The following AQP11 variants were observed in gnomAD, a reference collection of about 807,000 sequenced individuals.
AQP11 encodes aquaporin-11.
Under a neutral mutation model 21.1 loss-of-function variants are expected in AQP11, and 20 were observed. The observed-to-expected ratio is 0.95, with a 90% CI of 0.67 to 1.38. The LOEUF (loss-of-function observed/expected upper bound fraction) is 1.38. Among genes scored for constraint, AQP11 ranks in the 40% most tolerant of loss-of-function variants. The pLI is 0.00. For synonymous variants in AQP11, 167 were observed against 150.1 expected (o/e 1.11, Z -0.82); for missense variants, 339 against 340.4 (o/e 1.00, Z 0.03).
At chr11:77,599,735 C>T (rs1958804531) in intron 1 of AQP11, among the ~76,000 whole-genome samples, 1 of 151,860 alleles carries the variant, frequency 6.6e-6, no homozygotes, top group Admixed American at 6.6e-5. Context: ...CAAGTACATG[C>T]CACCATACCC....
intron 1 of AQP11, among the ~76,000 whole-genome samples, chr11:77,601,585 A>G (rs563285544): frequency 6.6e-6 from 1 of 152,238 alleles, no homozygotes; most frequent in East Asian, 1.9e-4. Context: ...CCTGGGCTCA[A>G]GTGATCCACC....
In AQP11 at chr11:77,590,448, C is replaced by T; in HGVS notation, c.456C>T (p.Ser152=). 6.2e-7 allele frequency: 1 copy of T among 1,614,120 alleles called. No individual in the cohort carries two copies. Among genetic ancestry groups the T allele is most frequent in the South Asian group, 1.1e-5 (1 of 91,074 alleles). Residue 152 remains serine, a synonymous_variant, in exon 1 of 3, where the codon AGC becomes AGT. Transcript: ENST00000313578. ...GLTQYHVSER[S]FACKNPIRVD... ...CCCAGTATCACGTCAGCGAGAGGAG[C>T]TTCGCTTGCAAGAATCCCATCCGAG...
At chr11:77,599,179 C>A (rs1415798919) in intron 1 of AQP11, among the ~76,000 whole-genome samples, 1 of 151,864 alleles carries the variant, frequency 6.6e-6, no homozygotes, top group African/African-American at 2.4e-5. Context: ...CCATGCCTGG[C>A]CACACCTGGC....
chr11:77,596,427 C>T (rs140295342), intron 1 of AQP11, among the ~76,000 whole-genome samples: 4,307 of 130,366 alleles, frequency 0.033, 212 homozygotes, highest in African/African-American at 0.11. Context: ...GGCAACAGAG[C>T]GAGACTATGT....
chr11:77,610,259 A>G lies in AQP11; in HGVS notation c.*882A>G, dbSNP rs1180300320. 1 of 152,248 alleles carries G rather than the reference A, an allele frequency of 6.6e-6. No homozygotes were observed. Among genetic ancestry groups the G allele is most frequent in the African/African-American group, 2.4e-5 (1 of 41,464 alleles). 9.4% of individuals were successfully genotyped at this position (152,248 alleles called of 1,614,324 possible). ...CACGATTATGACTAAAGGGAAATCA[A>G]GGGTTCATAGAAACATTAAATACTT... On this transcript the variant is annotated 3_prime_UTR_variant, in exon 3 of 3. Transcript: ENST00000313578.
chr11:77,600,359 C>A (rs921382480), intron 1 of AQP11, among the ~76,000 whole-genome samples: 6 of 152,102 alleles, frequency 3.9e-5, no homozygotes, highest in African/African-American at 1.4e-4. Flanking sequence ...AGGCTTTATT[C>A]CTGATAGCCA....
chr11:77,598,739 G>A (rs907373292), intron 1 of AQP11, among the ~76,000 whole-genome samples: 11 of 152,096 alleles, frequency 7.2e-5, no homozygotes, highest in Non-Finnish European at 1.3e-4. Context: ...TCTTGAGATG[G>A]AGTCTTGCTC....
intron 1 of AQP11, among the ~76,000 whole-genome samples, chr11:77,603,319 A>G (rs1315035690): frequency 6.6e-6 from 1 of 152,214 alleles, no homozygotes; most frequent in East Asian, 1.9e-4. Flanking sequence ...TGTCCATTTT[A>G]TAGTCTATAG....
intron 1 of AQP11, among the ~76,000 whole-genome samples, chr11:77,592,429 GTTTAGCTC>G (rs904129463): frequency 4.6e-5 from 7 of 152,098 alleles, no homozygotes; most frequent in Non-Finnish European, 7.4e-5. Context: ...TTATGCTATG[GTTTAGCTC>G]TTTATTTCTA....
At chr11:77,601,202 G>A (rs1402824240) in intron 1 of AQP11, among the ~76,000 whole-genome samples, 1 of 152,138 alleles carries the variant, frequency 6.6e-6, no homozygotes, top group East Asian at 1.9e-4. Context: ...ATGCTGCGGT[G>A]CACAGGACAG....
rs1278603662 is a variant in AQP11 at position 77,603,605 on chromosome 11, A to G, written c.669A>G (p.Leu223=). Reference sequence around the variant, plus strand: ...TTAATCCAGCTTTGGCACTTTCGCTACATTTCATGTGTTTTGATGAAGCAT... The same window carrying G: ...TTAATCCAGCTTTGGCACTTTCGCTGCATTTCATGTGTTTTGATGAAGCAT... ...AVFNPALALS[L]HFMCFDEAFP... is the part of the protein sequence containing the mutation. Residue 223 remains leucine, a synonymous_variant, in exon 2 of 3, where the codon CTA becomes CTG. Coordinates refer to ENST00000313578, the MANE Select transcript of AQP11 (RefSeq NM_173039.3). The G allele has an allele frequency of 1.2e-6, 2 of 1,609,834 alleles. No individual in the cohort carries two copies. Among genetic ancestry groups the G allele is most frequent in the African/African-American group, 2.7e-5 (2 of 74,832 alleles).
intron 1 of AQP11, among the ~76,000 whole-genome samples, chr11:77,591,624 C>T (rs990349027): frequency 6.6e-6 from 1 of 152,094 alleles, no homozygotes; most frequent in East Asian, 1.9e-4. Flanking sequence ...AATCCCAGCA[C>T]TTTGGGAGAC....
chr11:77,593,342 C>A (rs1335507513), intron 1 of AQP11, among the ~76,000 whole-genome samples: 1 of 152,170 alleles, frequency 6.6e-6, no homozygotes, highest in African/African-American at 2.4e-5. Flanking sequence ...TTAATTCTTA[C>A]AACAACCCAT....
At chr11:77,596,537 A>AATATATATATATAT (rs529433093) in intron 1 of AQP11, among the ~76,000 whole-genome samples, 2,652 of 86,050 alleles carry the variant, frequency 0.031, 144 homozygotes, top group Admixed American at 0.042. Flanking sequence ...TATATATGTA[A>AATATATATATATAT]ATATATATAT....
intron 2 of AQP11, among the ~76,000 whole-genome samples, chr11:77,605,474 G>C (rs1169666173): frequency 6.6e-6 from 1 of 152,164 alleles, no homozygotes. Flanking sequence ...CAGGAGGTGA[G>C]TGGCAATCAA....
In AQP11 at chr11:77,590,247, C is replaced by G; in HGVS notation, c.255C>G (p.Phe85Leu). The G allele has an allele frequency of 6.3e-7, 1 of 1,599,102 alleles. No homozygotes were observed. Among genetic ancestry groups the G allele is most frequent in the Non-Finnish European group, 8.5e-7 (1 of 1,172,000 alleles). Residue 85 changes from phenylalanine to leucine, a missense_variant, in exon 1 of 3, where the codon TTC becomes TTG. Physicochemically the swap from Phe to Leu is conservative, Grantham distance 22. Transcript: ENST00000313578. ...PTWTLTLVYFFSLVHGLTLVG... is the reference protein window; with the variant it reads ...PTWTLTLVYFLSLVHGLTLVG... ...GGACGCTGACGCTCGTCTACTTCTT[C>G]TCGCTTGTGCATGGCCTGACTCTGG...
intron 1 of AQP11, among the ~76,000 whole-genome samples, chr11:77,596,537 A>AATATATAT (rs529433093): frequency 0.029 from 2,540 of 86,460 alleles, 136 homozygotes; most frequent in Non-Finnish European, 0.039. Context: ...TATATATGTA[A>AATATATAT]ATATATATAT....
At chr11:77,594,809 C>A (rs1408342340) in intron 1 of AQP11, among the ~76,000 whole-genome samples, 1 of 151,970 alleles carries the variant, frequency 6.6e-6, no homozygotes, top group Non-Finnish European at 1.5e-5. Flanking sequence ...ATTGATTTAG[C>A]ACCCCAAATT....
At chr11:77,607,241 C>T (rs531368469) in intron 2 of AQP11, among the ~76,000 whole-genome samples, 1 of 151,490 alleles carries the variant, frequency 6.6e-6, no homozygotes, top group Non-Finnish European at 1.5e-5. Context: ...AGACATAAAG[C>T]GACACATTAT....
Sources: allele counts gnomAD v4.1 joint callset (sites outside exome capture counted in the v4.1 genomes callset), GRCh38; gene constraint gnomAD v4.1.1; transcripts MANE v1.5; gene names NCBI Gene and HGNC (gene_info 2026-07-23, HGNC 2026-07-21).